PSEN2: variants seen among roughly 807,000 people sequenced by gnomAD.
PSEN2 encodes presenilin-2.
Under a neutral mutation model 49.1 loss-of-function variants are expected in PSEN2, and 32 were observed. The observed-to-expected ratio is 0.65, with a 90% CI of 0.49 to 0.88. The LOEUF (loss-of-function observed/expected upper bound fraction) is 0.88. Ranked by LOEUF, PSEN2 falls within the 40% of genes least tolerant of loss-of-function variation. The pLI is 0.00. For missense variants in PSEN2, 522 were observed against 586.9 expected, an observed-to-expected ratio of 0.89 and a Z score of 1.14; for synonymous variants, 255 against 244.0, an observed-to-expected ratio of 1.05 and a Z score of -0.42.
intron 3 of PSEN2, among the ~76,000 whole-genome samples, chr1:226,880,964 G>T (rs1384862709): frequency 6.6e-6 from 1 of 152,130 alleles, no homozygotes; most frequent in East Asian, 1.9e-4. Context: ...CACTCAAAGG[G>T]TGAAATTCAT....
chr1:226,881,308 A>G (rs1405955359), intron 3 of PSEN2, among the ~76,000 whole-genome samples: 1 of 152,078 alleles, frequency 6.6e-6, no homozygotes, highest in Non-Finnish European at 1.5e-5. Flanking sequence ...CCCGCCCCAC[A>G]GTGTGAGGCC....
At chr1:226,900,709 C>T (rs1049036778), downstream of PSEN2, among the ~76,000 whole-genome samples, 2 of 152,002 alleles carry the variant, frequency 1.3e-5, no homozygotes, top group Admixed American at 6.6e-5. Flanking sequence ...CTGAAGGCAG[C>T]CAGGGAGATA....
chr1:226,880,387 AT>A (rs1258051999), intron 3 of PSEN2: 6 of 735,570 alleles, frequency 8.2e-6, no homozygotes, highest in Non-Finnish European at 1.2e-5. Context: ...AGAAATAAAA[AT>A]AAAAAAAATC....
In PSEN2 at chr1:226,885,621, G is replaced by GCGTCAT. The variant is rs1468473658; in HGVS notation, c.444_449dup (p.Ile149_Val150dup). The stretch of plus-strand genomic sequence containing the variant: ...GTGCTGAACACCCTCATCATGATCA[G>GCGTCAT]CGTCATCGTGGTTATGACCATCTTC... On this transcript the variant is annotated inframe_insertion, in exon 6 of 13. Coordinates refer to ENST00000366783, the MANE Select transcript of PSEN2 (RefSeq NM_000447.3). 3 of 1,613,182 alleles carry GCGTCAT rather than the reference G, an allele frequency of 1.9e-6. No homozygotes were observed. The Admixed American group carries it at 5.0e-5, about 27-fold the overall frequency.
At chr1:226,877,333 A>G (rs1397683725) in intron 3 of PSEN2, among the ~76,000 whole-genome samples, 1 of 152,212 alleles carries the variant, frequency 6.6e-6, no homozygotes, top group African/African-American at 2.4e-5. Flanking sequence ...TCCAAGGGTA[A>G]CCTTGAGCTA....
chr1:226,889,127 G>A, intron 8 of PSEN2, 78 bp downstream of exon 8: 1 of 1,352,424 alleles, frequency 7.4e-7, no homozygotes, highest in Non-Finnish European at 1.0e-6. Flanking sequence ...GCACAAGGAG[G>A]GCAGGTGCTG....
chr1:226,887,950 GCCACCTGATCCCTT>G (rs1661475400), intron 6 of PSEN2, 127 bp from the exon 7 acceptor site: 1 of 746,922 alleles, frequency 1.3e-6, no homozygotes, highest in Non-Finnish European at 2.4e-6. Context: ...CTGTAAGGTG[GCCACCTGATCCCTT>G]CCAGCGTAGG....
intron 4 of PSEN2, 88 bp downstream of exon 4, chr1:226,882,136 T>C: frequency 6.5e-7 from 1 of 1,537,226 alleles, no homozygotes. Context: ...CATTCCCTGA[T>C]GCGGGAGGGA....
At chr1:226,871,642 G>A (rs1041793706) in intron 2 of PSEN2, among the ~76,000 whole-genome samples, 2 of 152,226 alleles carry the variant, frequency 1.3e-5, no homozygotes, top group African/African-American at 4.8e-5. Context: ...GGTTGCCAAG[G>A]CTGTCTACGA....
intron 11 of PSEN2, among the ~76,000 whole-genome samples, chr1:226,893,686 A>C (rs1476695145): frequency 1.3e-5 from 2 of 152,252 alleles, no homozygotes; most frequent in African/African-American, 4.8e-5. Flanking sequence ...AGCAGTGCCC[A>C]GCCCAAGGCC....
Position 226,888,141 on chromosome 1 carries a change from C to CACCTATA in PSEN2, c.550_556dup (p.Ile186AsnfsTer80). On this transcript the variant is annotated frameshift_variant, in exon 7 of 13. Coordinates refer to ENST00000366783, the MANE Select transcript of PSEN2 (RefSeq NM_000447.3). LOFTEE classifies it high-confidence loss of function. ...CTTCACTGATGCTGCTGTTCCTCTT[C>CACCTATA]ACCTATATCTACCTTGGGTAAGTGA... The CACCTATA allele has an allele frequency of 6.2e-7, 1 of 1,613,332 alleles. No homozygotes were observed. Among genetic ancestry groups the CACCTATA allele is most frequent in the Non-Finnish European group, 8.5e-7 (1 of 1,179,294 alleles).
rs750161150 is a variant in PSEN2 at position 226,895,545 on chromosome 1, T to C, written c.1313T>C (p.Met438Thr). ...ACGGACAACCTGGTGCGGCCGTTCATGGACACCCTGGCCTCCCATCAGCTC... is the reference window on the plus strand; with the variant it reads ...ACGGACAACCTGGTGCGGCCGTTCACGGACACCCTGGCCTCCCATCAGCTC... Reference protein sequence around the residue: ...FSTDNLVRPFMDTLASHQLYI With the variant: ...FSTDNLVRPFTDTLASHQLYI Residue 438 changes from methionine (M) to threonine (T), a missense_variant, in exon 13 of 13, where the codon ATG becomes ACG. Met to Thr is a moderately conservative substitution (Grantham distance 81). Coordinates refer to ENST00000366783, the MANE Select transcript of PSEN2 (RefSeq NM_000447.3). The C allele has an allele frequency of 3.7e-6, 6 of 1,613,670 alleles. No individual in the cohort carries two copies. The highest frequency in any genetic ancestry group is 1.1e-5 in the South Asian group (1 of 90,872).
At chr1:226,872,765 T>G (rs1390774038) in intron 2 of PSEN2, among the ~76,000 whole-genome samples, 2 of 152,202 alleles carry the variant, frequency 1.3e-5, no homozygotes, top group African/African-American at 4.8e-5. Context: ...ACCTGTTCTA[T>G]TCCCAGCTGC....
chr1:226,881,661 G>A (rs1271257720), intron 3 of PSEN2, among the ~76,000 whole-genome samples: 1 of 152,196 alleles, frequency 6.6e-6, no homozygotes, highest in Non-Finnish European at 1.5e-5. Flanking sequence ...TGCCCCCTGG[G>A]ATGTGAGTCA....
intron 6 of PSEN2, among the ~76,000 whole-genome samples, chr1:226,886,622 C>A (rs1017068753): frequency 1.3e-5 from 2 of 152,248 alleles, no homozygotes; most frequent in African/African-American, 4.8e-5. Flanking sequence ...AGGTGCCTCA[C>A]AGCATTTTTT....
At position 226,888,109 on chromosome 1, in the gene PSEN2, A is replaced by C; in HGVS notation, c.517A>C (p.Ile173Leu). ...TGTCTAGTTCATCCATGGCTGGTTGATCATGTCTTCACTGATGCTGCTGTT... is the reference window on the plus strand; with the variant it reads ...TGTCTAGTTCATCCATGGCTGGTTGCTCATGTCTTCACTGATGCTGCTGTT... ...RCYKFIHGWL[I>L]MSSLMLLFLF... Residue 173 changes from isoleucine to leucine, a missense_variant, in exon 7 of 13, where the codon ATC (isoleucine) becomes CTC (leucine). Transcript: ENST00000366783. The C allele has an allele frequency of 6.2e-7, 1 of 1,613,860 alleles. No homozygotes were observed. The highest frequency in any genetic ancestry group is 8.5e-7 in the Non-Finnish European group (1 of 1,179,756).
chr1:226,874,223 T>C (rs1017084972), intron 2 of PSEN2, among the ~76,000 whole-genome samples: 4 of 152,060 alleles, frequency 2.6e-5, no homozygotes, highest in African/African-American at 9.7e-5. Flanking sequence ...GGCCTGCCTG[T>C]GTGACCAAAC....
intron 4 of PSEN2, among the ~76,000 whole-genome samples, 173 bp downstream of exon 4, chr1:226,882,221 CAT>C (rs1157444735): frequency 6.6e-6 from 1 of 152,232 alleles, no homozygotes; most frequent in Non-Finnish European, 1.5e-5. Flanking sequence ...TGCAGGGTTT[CAT>C]AGGACTGCGC....
intron 3 of PSEN2, chr1:226,880,639 G>A (rs202111966): frequency 1.2e-5 from 18 of 1,549,540 alleles, no homozygotes; most frequent in South Asian, 3.4e-5. Flanking sequence ...CTCTGTCCCC[G>A]TCTGAGATGT....
Sources: allele counts gnomAD v4.1 joint callset (sites outside exome capture counted in the v4.1 genomes callset), GRCh38; gene constraint gnomAD v4.1.1; transcripts MANE v1.5; gene names NCBI Gene and HGNC (gene_info 2026-07-23, HGNC 2026-07-21).